Variants in SLC4A2 observed in about 807,000 individuals in gnomAD.
The protein encoded by SLC4A2 is anion exchange protein 2.
In SLC4A2, 36 loss-of-function variants were observed where a neutral mutation model predicts 115.0. The ratio of observed to expected loss-of-function variants is 0.31; its 90% CI spans 0.24 to 0.41. The LOEUF is 0.41. Ranked by LOEUF, SLC4A2 falls within the 10% of genes least tolerant of loss-of-function variation. SLC4A2 has a pLI of 1.00. For missense variants in SLC4A2, 1,252 were observed against 1,705.6 expected (o/e 0.73, Z 4.68); for synonymous variants, 708 against 708.3 (o/e 1.00, Z 0.01).
At position 151,071,101 on chromosome 7, in the gene SLC4A2, C is replaced by T. The variant is rs973056853; in HGVS notation, c.1779C>T (p.Asp593=). 18 of 1,612,496 alleles carry T rather than the reference C, an allele frequency of 1.1e-5. 1 individual carries two copies. Among genetic ancestry groups the T allele is most frequent in the South Asian group, 5.5e-5 (5 of 91,042 alleles). ...KQFHEAAYLA[D]EREDLLTAIN... is the part of the protein sequence containing the mutation. ...TCCACGAGGCAGCCTACCTGGCTGACGAGCGGGAGGACCTGCTGACGGCCA... is the reference window on the plus strand; with the variant it reads ...TCCACGAGGCAGCCTACCTGGCTGATGAGCGGGAGGACCTGCTGACGGCCA... Residue 593 remains aspartate (D), a synonymous_variant, in exon 13 of 23, where the codon GAC becomes GAT. Transcript: ENST00000413384. This position sits in a 1 kb window ranked among gnomAD's most constrained non-coding sequence, Gnocchi z 5.5.
intron 1 of SLC4A2, 45 bp from the exon 2 acceptor site, chr7:151,061,880 C>A: frequency 9.5e-7 from 1 of 1,052,814 alleles, no homozygotes; most frequent in Non-Finnish European, 1.4e-6. Flanking sequence ...GTGGCTCCTG[C>A]CCTCCCAGGG....
rs1443932278 is a variant in SLC4A2 at position 151,070,094 on chromosome 7, T to C, written c.1283+12T>C. 2 of 1,613,888 alleles carry C rather than the reference T, an allele frequency of 1.2e-6. No homozygotes were observed. The highest frequency in any genetic ancestry group is 2.2e-5 in the South Asian group (2 of 91,076). On this transcript the variant is annotated intron_variant, in intron 9 of 22. Transcript: ENST00000413384. Reference sequence around the variant, plus strand: ...CTGTTGAAACACAGGTGAGGCCCTGTGGGCCAGTTGGGGATGACACTTCAG... The same window carrying C: ...CTGTTGAAACACAGGTGAGGCCCTGCGGGCCAGTTGGGGATGACACTTCAG...
At chr7:151,062,754 G>T (rs1797095140) in intron 2 of SLC4A2, 1 of 1,390,320 alleles carries the variant, frequency 7.2e-7, no homozygotes, top group Admixed American at 3.3e-5. Context: ...CTTCTGGTGG[G>T]AGTGGGGCTG....
At chr7:151,075,534 C>G (rs1012952057) in intron 20 of SLC4A2, 26 bp downstream of exon 20, 4 of 1,594,136 alleles carry the variant, frequency 2.5e-6, no homozygotes, top group Non-Finnish European at 3.4e-6. Flanking sequence ...CCTTTCCCTT[C>G]CCAGTGGATT....
Position 151,066,063 on chromosome 7 carries a change from C to T in SLC4A2, c.579-454C>T, listed in dbSNP as rs1055288225. On this transcript the variant is annotated intron_variant, in intron 5 of 22. Coordinates refer to ENST00000413384, the MANE Select transcript of SLC4A2 (RefSeq NM_003040.4). Reference sequence around the variant, plus strand: ...TTATTCCTCTTGATTAAACATAGGCCCCTGTGAACCTCTGAGTCCCATGTC... The same window carrying T: ...TTATTCCTCTTGATTAAACATAGGCTCCTGTGAACCTCTGAGTCCCATGTC... Among the ~76,000 whole-genome samples the T allele has an allele frequency of 7.2e-5, 11 of 152,174 alleles. 1 individual carries two copies. The highest frequency in any genetic ancestry group is 8.8e-5 in the Non-Finnish European group (6 of 68,020).
chr7:151,064,454 TG>T, intron 3 of SLC4A2, 71 bp from the exon 4 acceptor site: 1 of 1,445,590 alleles, frequency 6.9e-7, no homozygotes. Context: ...GTGGGAGGAG[TG>T]GGGCTAGGGG....
chr7:151,074,717 A>G lies in SLC4A2; in HGVS notation c.2923A>G (p.Lys975Glu). The G allele has an allele frequency of 1.2e-6, 2 of 1,607,992 alleles. No homozygotes were observed. Among genetic ancestry groups the G allele is most frequent in the Non-Finnish European group, 1.7e-6 (2 of 1,177,984 alleles). ...TGGATTCTCGGTGACTGCCCCAGAA[A>G]AGAGGGGCTGGGTCATCAACCCCCT... ...PSGFSVTAPE[K>E]RGWVINPLGE... is the part of the protein sequence containing the mutation. Residue 975 changes from lysine (K) to glutamate (E), a missense_variant, in exon 19 of 23, where the codon AAG becomes GAG. By Grantham distance (56) the Lys-to-Glu change is moderately conservative. Coordinates refer to ENST00000413384, the MANE Select transcript of SLC4A2 (RefSeq NM_003040.4).
At chr7:151,062,064 C>G (rs1797067135) in intron 2 of SLC4A2, 26 bp downstream of exon 2, 8 of 1,600,618 alleles carry the variant, frequency 5.0e-6, no homozygotes, top group East Asian at 4.5e-5. Context: ...AGGTCGCCAG[C>G]CCAACCTTCC....
chr7:151,074,951 C>T (rs1483803540), intron 19 of SLC4A2, 110 bp downstream of exon 19: 8 of 1,136,802 alleles, frequency 7.0e-6, no homozygotes, highest in Non-Finnish European at 9.9e-6. Flanking sequence ...CCTCAGGGAA[C>T]CTTGGATGCC....
intron 2 of SLC4A2, among the ~76,000 whole-genome samples, chr7:151,063,343 G>A (rs1450969105): frequency 2.0e-5 from 3 of 152,204 alleles, no homozygotes; most frequent in Non-Finnish European, 4.4e-5. Context: ...GACAGGCTCT[G>A]GGTCGGTTAG....
intron 2 of SLC4A2, chr7:151,063,089 GC>G: frequency 6.6e-7 from 1 of 1,522,640 alleles, no homozygotes; most frequent in East Asian, 2.5e-5. Flanking sequence ...AGGCTGCCTG[GC>G]CAGGCGGCTG....
At position 151,075,247 on chromosome 7, in the gene SLC4A2, G is replaced by A. The variant is rs763017413; in HGVS notation, c.3048-8G>A. 31 of 1,611,918 alleles carry A rather than the reference G, an allele frequency of 1.9e-5. No homozygotes were observed. Among genetic ancestry groups the A allele is most frequent in the Non-Finnish European group, 2.5e-5 (30 of 1,179,932 alleles). ...CCTGGGCCTCAGCAGCACCCCTCCC[G>A]CTCTCAGGCTCATCATCTCCAAGAA... On this transcript the variant is annotated splice_polypyrimidine_tract_variant and splice_region_variant and intron_variant, in intron 19 of 22. Transcript: ENST00000413384.
chr7:151,075,573 C>T (rs764179892), intron 20 of SLC4A2, 33 bp from the exon 21 acceptor site: 13 of 1,585,352 alleles, frequency 8.2e-6, no homozygotes, highest in South Asian at 3.3e-5. Context: ...CAGGGGACCC[C>T]GGGGCCAACT....
chr7:151,058,205 A>G, upstream of SLC4A2: 1 of 418,274 alleles, frequency 2.4e-6, no homozygotes, highest in East Asian at 4.8e-5. Context: ...TATTCCTTTT[A>G]TGTGCTCCCA....
chr7:151,074,073 C>T lies in SLC4A2; in HGVS notation c.2570C>T (p.Ala857Val). The change falls in exon 17 of 23, where the codon GCC becomes GTC. Residue 857 changes from alanine to valine, a missense_variant. Coordinates refer to ENST00000413384, the MANE Select transcript of SLC4A2 (RefSeq NM_003040.4). Reference sequence around the variant, plus strand: ...GAGCACCCCCTGCATGGCTGCTCAGCCTCCAACAGCTCAGAGGTGGACGGC... The same window carrying T: ...GAGCACCCCCTGCATGGCTGCTCAGTCTCCAACAGCTCAGAGGTGGACGGC... ...FQEHPLHGCS[A>V]SNSSEVDGGE... 6.2e-7 allele frequency: 1 copy of T among 1,600,224 alleles called. No individual in the cohort carries two copies. The highest frequency in any genetic ancestry group is 8.5e-7 in the Non-Finnish European group (1 of 1,170,622).
intron 7 of SLC4A2, among the ~76,000 whole-genome samples, chr7:151,067,565 T>C (rs997476972): frequency 6.6e-6 from 1 of 152,250 alleles, no homozygotes; most frequent in African/African-American, 2.4e-5. Context: ...TGCTTTCATA[T>C]ACAGTGGCCA....
At chr7:151,067,740 G>T in intron 7 of SLC4A2, 134 bp from the exon 8 acceptor site, 1 of 652,236 alleles carries the variant, frequency 1.5e-6, no homozygotes, top group Non-Finnish European at 2.6e-6. Flanking sequence ...TGGGACTGGT[G>T]CGCCTGTGCA....
rs754930320 is a variant in SLC4A2 at position 151,066,683 on chromosome 7, C to G, written c.745C>G (p.Gln249Glu). Residue 249 changes from glutamine (Q) to glutamate (E), a missense_variant, in exon 6 of 23, where the codon CAG becomes GAG. Gln to Glu is a conservative substitution (Grantham distance 29). Coordinates refer to ENST00000413384, the MANE Select transcript of SLC4A2 (RefSeq NM_003040.4). ...CATCGGGAGCATGACTGGGGCTGAG[C>G]AGGCACTGCTGCCCCGGGTCCCCAC... ...RRIGSMTGAEQALLPRVPTDE... is the reference protein window; with the variant it reads ...RRIGSMTGAEEALLPRVPTDE... 1.9e-6 allele frequency: 3 copies of G among 1,551,458 alleles called. No individual in the cohort carries two copies. The highest frequency in any genetic ancestry group is 2.6e-6 in the Non-Finnish European group (3 of 1,147,350).
chr7:151,067,799 C>T (rs1370323924), intron 7 of SLC4A2, 75 bp from the exon 8 acceptor site: 10 of 1,326,580 alleles, frequency 7.5e-6, no homozygotes, highest in Non-Finnish European at 8.5e-6. Flanking sequence ...CCCTCTGACA[C>T]CACTCACCTC....
Sources: allele counts gnomAD v4.1 joint callset (sites outside exome capture counted in the v4.1 genomes callset), GRCh38; gene constraint gnomAD v4.1.1; non-coding constraint Gnocchi (gnomAD v3.1); transcripts MANE v1.5; gene names NCBI Gene and HGNC (gene_info 2026-07-23, HGNC 2026-07-21).